Variants in SULT1E1 observed in about 807,000 individuals in gnomAD.
SULT1E1 encodes sulfotransferase family 1E member 1, also known as sulfotransferase 1E1.
In SULT1E1, 36 loss-of-function variants were observed where a neutral mutation model predicts 33.6. That is an observed-to-expected ratio of 1.07 (90% confidence interval 0.82 to 1.41). SULT1E1 has a LOEUF of 1.41. Among genes scored for constraint, SULT1E1 ranks in the 40% most tolerant of loss-of-function variants. The pLI is 0.00. For missense variants in SULT1E1, 371 were observed against 345.7 expected, an observed-to-expected ratio of 1.07 and a Z score of -0.58; for synonymous variants, 121 against 111.7, an observed-to-expected ratio of 1.08 and a Z score of -0.53.
At chr4:69,847,650 T>C (rs892787819) in intron 6 of SULT1E1, 48 bp downstream of exon 6, 5 of 1,232,894 alleles carry the variant, frequency 4.1e-6, no homozygotes, top group Non-Finnish European at 5.8e-6. Context: ...TTTCAAATGC[T>C]AACATCTTAG....
intron 7 of SULT1E1, among the ~76,000 whole-genome samples, chr4:69,843,287 G>A (rs939027109): frequency 3.9e-5 from 6 of 152,164 alleles, no homozygotes; most frequent in African/African-American, 9.7e-5. Context: ...GCAAGTCACC[G>A]TTTGCAAGCA....
At chr4:69,827,975 G>A in the SULT1E1 span, among the ~76,000 whole-genome samples, 1 of 152,310 alleles carries the variant, frequency 6.6e-6, no homozygotes, top group Non-Finnish European at 1.5e-5. Context: ...TGCAATCACT[G>A]GAAGGCACAC....
chr4:69,826,265 G>T, the SULT1E1 span, among the ~76,000 whole-genome samples: 1 of 152,132 alleles, frequency 6.6e-6, no homozygotes, highest in African/African-American at 2.4e-5. Flanking sequence ...ACTAACAGGA[G>T]AATGCTTAGG....
Position 69,841,884 on chromosome 4 carries a change from G to A in SULT1E1, c.*110C>T. On this transcript the variant is annotated 3_prime_UTR_variant, in exon 8 of 8. Coordinates refer to ENST00000226444, the MANE Select transcript of SULT1E1 (RefSeq NM_005420.3). ...TTAAACAAAAATTTAAAAAGAAAAT[G>A]TCAACATAATCCATGATTATGTCTT... 1.3e-5 allele frequency: 7 copies of A among 530,820 alleles called. No individual in the cohort carries two copies. Among genetic ancestry groups the A allele is most frequent in the South Asian group, 5.4e-5 (2 of 37,012 alleles). 32.9% of individuals were successfully genotyped at this position (530,820 alleles called of 1,614,324 possible). A position where few individuals can be genotyped will look rare whatever the true frequency, so the allele number is the denominator to read the frequency against.
the SULT1E1 span, among the ~76,000 whole-genome samples, chr4:69,826,823 T>C: frequency 6.6e-5 from 10 of 152,270 alleles, no homozygotes; most frequent in East Asian, 9.7e-4. Context: ...TTTCTTTTCA[T>C]TGAAGGAGAA....
chr4:69,843,049 G>A (rs962886263), intron 7 of SULT1E1, among the ~76,000 whole-genome samples: 2 of 152,018 alleles, frequency 1.3e-5, no homozygotes, highest in Non-Finnish European at 2.9e-5. Context: ...TGTTAGCCAG[G>A]ATGGTCTCGA....
At chr4:69,825,291 A>G in the SULT1E1 span, among the ~76,000 whole-genome samples, 1 of 152,092 alleles carries the variant, frequency 6.6e-6, no homozygotes, top group African/African-American at 2.4e-5. Flanking sequence ...ATCTGAAGGA[A>G]CAAACACACA....
At chr4:69,838,909 T>C (rs1425346789), downstream of SULT1E1, among the ~76,000 whole-genome samples, 1 of 152,252 alleles carries the variant, frequency 6.6e-6, no homozygotes, top group Non-Finnish European at 1.5e-5. Context: ...CGGGGAACTA[T>C]ACATAAGTAG....
the SULT1E1 span, among the ~76,000 whole-genome samples, chr4:69,835,171 G>T: frequency 3.5e-4 from 53 of 152,082 alleles, 1 homozygote; most frequent in African/African-American, 1.2e-3. Flanking sequence ...TTGCCCAGCT[G>T]ATTGCTAACT....
At chr4:69,846,305 C>G (rs895758054) in intron 6 of SULT1E1, among the ~76,000 whole-genome samples, 1 of 107,040 alleles carries the variant, frequency 9.3e-6, no homozygotes, top group Non-Finnish European at 1.9e-5. Context: ...ACAAAACAAT[C>G]AAAAAAAAAA....
intron 4 of SULT1E1, among the ~76,000 whole-genome samples, chr4:69,853,774 G>T (rs1721174434): frequency 6.6e-6 from 1 of 152,036 alleles, no homozygotes; most frequent in Admixed American, 6.6e-5. Flanking sequence ...TCCTTTTATG[G>T]TTCATTTGCA....
chr4:69,821,725 C>T, the SULT1E1 span, among the ~76,000 whole-genome samples: 1 of 152,138 alleles, frequency 6.6e-6, no homozygotes, highest in East Asian at 1.9e-4. Flanking sequence ...GCTACTTTTA[C>T]GTGTGCATTA....
intron 6 of SULT1E1, among the ~76,000 whole-genome samples, chr4:69,845,655 T>C (rs953548193): frequency 6.6e-6 from 1 of 151,374 alleles, no homozygotes; most frequent in Non-Finnish European, 1.5e-5. Flanking sequence ...TAAAAATTAA[T>C]TTGTACATTC....
At chr4:69,838,286 TTA>T (rs1720825945), downstream of SULT1E1, among the ~76,000 whole-genome samples, 2 of 152,060 alleles carry the variant, frequency 1.3e-5, no homozygotes, top group Admixed American at 6.6e-5. Flanking sequence ...TTAATTGTTT[TTA>T]TTTTTTTTTT....
intron 3 of SULT1E1, 46 bp from the exon 4 acceptor site, chr4:69,854,360 CTATT>C (rs893255898): frequency 1.1e-5 from 13 of 1,234,098 alleles, no homozygotes; most frequent in African/African-American, 3.0e-5. Context: ...AAAATTGTAA[CTATT>C]TATGTGGATT....
chr4:69,847,537 A>G (rs1478018240), intron 6 of SULT1E1, among the ~76,000 whole-genome samples, 161 bp downstream of exon 6: 1 of 151,784 alleles, frequency 6.6e-6, no homozygotes, highest in African/African-American at 2.4e-5. Context: ...GCTAGCTTCA[A>G]ATCTATGCTA....
At chr4:69,859,401 C>T (rs994214709) in intron 1 of SULT1E1, among the ~76,000 whole-genome samples, 1 of 151,904 alleles carries the variant, frequency 6.6e-6, no homozygotes, top group Non-Finnish European at 1.5e-5. Context: ...TCTCATAGTC[C>T]CTACTTTCTT....
At chr4:69,848,923 AC>A (rs1721040296) in intron 5 of SULT1E1, among the ~76,000 whole-genome samples, 1 of 151,938 alleles carries the variant, frequency 6.6e-6, no homozygotes, top group African/African-American at 2.4e-5. Flanking sequence ...AATTTGAGAA[AC>A]CTGGTTAAAA....
At chr4:69,843,451 G>T (rs1720918893) in intron 7 of SULT1E1, among the ~76,000 whole-genome samples, 1 of 152,092 alleles carries the variant, frequency 6.6e-6, no homozygotes, top group Non-Finnish European at 1.5e-5. Context: ...CCAGTGGCAG[G>T]TTTGTTATTT....
Sources: allele counts gnomAD v4.1 joint callset (sites outside exome capture counted in the v4.1 genomes callset), GRCh38; gene constraint gnomAD v4.1.1; transcripts MANE v1.5; gene names NCBI Gene and HGNC (gene_info 2026-07-23, HGNC 2026-07-21).